Variants in NCAPH2 observed in about 807,000 individuals in gnomAD.
The protein encoded by NCAPH2 is non-SMC condensin II complex subunit H2.
In NCAPH2, 56 loss-of-function variants were observed where a neutral mutation model predicts 88.6. That is an observed-to-expected ratio of 0.63 (90% CI 0.51 to 0.79). NCAPH2 has a LOEUF of 0.79. Ranked by LOEUF, NCAPH2 falls within the 30% of genes least tolerant of loss-of-function variation. The pLI is 0.00. For synonymous variants in NCAPH2, 378 were observed against 313.6 expected (o/e 1.21, Z -2.17); for missense variants, 794 against 792.0 (o/e 1.00, Z -0.03).
At chr22:50,518,591 G>T in intron 7 of NCAPH2, 58 bp from the exon 8 acceptor site, 1 of 1,509,396 alleles carries the variant, frequency 6.6e-7, no homozygotes. Context: ...TGAACACCGG[G>T]CAGGGACCAT....
At chr22:50,522,775 C>T (rs2069149698) in intron 17 of NCAPH2, 46 bp from the exon 18 acceptor site, 2 of 1,612,386 alleles carry the variant, frequency 1.2e-6, no homozygotes, top group Non-Finnish European at 1.7e-6. Context: ...GAGCGGTGCC[C>T]AGGCCCCTGC....
intron 9 of NCAPH2, among the ~76,000 whole-genome samples, chr22:50,520,196 T>G (rs2069047811): frequency 6.6e-6 from 1 of 151,558 alleles, no homozygotes; most frequent in Non-Finnish European, 1.5e-5. Context: ...AAGTTTTTCT[T>G]AGGGTTTTTG....
At position 50,519,169 on chromosome 22, in the gene NCAPH2, ACT is replaced by A. The variant is rs1569520761; in HGVS notation, c.731-16_731-15del. The A allele has an allele frequency of 6.3e-7, 1 of 1,586,548 alleles. No individual in the cohort carries two copies. Among genetic ancestry groups the A allele is most frequent in the Non-Finnish European group, 8.6e-7 (1 of 1,168,174 alleles). Reference sequence around the variant, plus strand: ...GTCTCGGCACTCCTTGGAGCTGATCACTCTCTTGCTCCCTGCCTAGGCCCCTC... The same window carrying A: ...GTCTCGGCACTCCTTGGAGCTGATCACTCTTGCTCCCTGCCTAGGCCCCTC... On this transcript the variant is annotated intron_variant, in intron 8 of 19. Coordinates refer to ENST00000420993, the MANE Select transcript of NCAPH2 (RefSeq NM_152299.4).
intron 1 of NCAPH2, among the ~76,000 whole-genome samples, chr22:50,510,988 A>G (rs145360172): frequency 0.016 from 2,328 of 145,082 alleles, 50 homozygotes; most frequent in Admixed American, 0.067. Flanking sequence ...CTGGGACTAC[A>G]GGCACCTGCC....
chr22:50,523,281 T>C lies in NCAPH2; in HGVS notation c.1724T>C (p.Met575Thr). 3 of 1,608,214 alleles carry C rather than the reference T, an allele frequency of 1.9e-6. No individual in the cohort carries two copies. Among genetic ancestry groups the C allele is most frequent in the Non-Finnish European group, 2.5e-6 (3 of 1,177,422 alleles). Residue 575 changes from methionine to threonine, a missense_variant, in exon 20 of 20, where the codon ATG becomes ACG. This residue lies in a region of NCAPH2 where 735 missense variants were observed against 696.3 expected (regional missense o/e 1.06). Transcript: ENST00000420993. ...ATAACCCAGCAGCCCGGGCTGGAGA[T>C]GGCCGTGGACACCATGTCCCTGAGA... ...VEITQQPGLE[M>T]AVDTMSLRLL...
chr22:50,520,851 C>T, intron 9 of NCAPH2, 114 bp from the exon 10 acceptor site: 1 of 1,223,856 alleles, frequency 8.2e-7, no homozygotes, highest in East Asian at 2.6e-5. Context: ...GCATGAGCCA[C>T]CACGCCCGAC....
chr22:50,516,846 G>A (rs892010746), intron 2 of NCAPH2, among the ~76,000 whole-genome samples: 10 of 152,126 alleles, frequency 6.6e-5, no homozygotes, highest in African/African-American at 1.9e-4. Flanking sequence ...CCCCTTCCCC[G>A]TCCCCTACTT....
In NCAPH2 at chr22:50,519,384, G is replaced by A. The variant is rs772225891; in HGVS notation, c.861+64G>A. 22 of 1,593,692 alleles carry A rather than the reference G, an allele frequency of 1.4e-5. No homozygotes were observed. The Admixed American group carries it at 1.4e-4, about 10-fold the overall frequency. On this transcript the variant is annotated intron_variant, in intron 9 of 19. Coordinates refer to ENST00000420993, the MANE Select transcript of NCAPH2 (RefSeq NM_152299.4). ...AACTGGCAACCCTGGCTCTGGGGCCGAGTCACCTTGCACAAGGAGGACAGT... is the reference window on the plus strand; with the variant it reads ...AACTGGCAACCCTGGCTCTGGGGCCAAGTCACCTTGCACAAGGAGGACAGT...
At chr22:50,509,156 G>T (rs1291886200) in intron 1 of NCAPH2, among the ~76,000 whole-genome samples, 7 of 152,020 alleles carry the variant, frequency 4.6e-5, no homozygotes, top group Non-Finnish European at 7.4e-5. Context: ...CAGTCTCTAA[G>T]TGTTGAGTTC....
chr22:50,522,741 G>T, intron 17 of NCAPH2, 21 bp downstream of exon 17: 1 of 1,611,702 alleles, frequency 6.2e-7, no homozygotes, highest in Non-Finnish European at 8.5e-7. Flanking sequence ...GTTAGAGGGA[G>T]ACGGGGAGGG....
intron 9 of NCAPH2, among the ~76,000 whole-genome samples, chr22:50,520,173 T>A (rs954450317): frequency 6.6e-6 from 1 of 151,376 alleles, no homozygotes; most frequent in South Asian, 2.1e-4. Context: ...CCCGGCCCAC[T>A]GTTTGTGTTT....
At chr22:50,516,815 G>T (rs1406387955) in intron 2 of NCAPH2, among the ~76,000 whole-genome samples, 1 of 152,172 alleles carries the variant, frequency 6.6e-6, no homozygotes, top group Non-Finnish European at 1.5e-5. Context: ...CACAGCCCAG[G>T]GTGCCACCTG....
chr22:50,517,359 A>G, intron 2 of NCAPH2, 68 bp from the exon 3 acceptor site: 17 of 1,545,218 alleles, frequency 1.1e-5, no homozygotes, highest in Non-Finnish European at 1.4e-5. Context: ...GCACCGATGG[A>G]TAGCTGGGAA....
In NCAPH2 at chr22:50,524,279, C is replaced by G; in HGVS notation, c.*904C>G. On this transcript the variant is annotated 3_prime_UTR_variant, in exon 20 of 20. Coordinates refer to ENST00000420993, the MANE Select transcript of NCAPH2 (RefSeq NM_152299.4). Reference sequence around the variant, plus strand: ...TGGGGCTGGCCCTGCCCACCTGTCTCTGCAGGGCCCTGCCTTGACAAAAGC... The same window carrying G: ...TGGGGCTGGCCCTGCCCACCTGTCTGTGCAGGGCCCTGCCTTGACAAAAGC... 1 of 1,603,674 alleles carries G rather than the reference C, an allele frequency of 6.2e-7. No individual in the cohort carries two copies. Among genetic ancestry groups the G allele is most frequent in the Non-Finnish European group, 8.5e-7 (1 of 1,179,812 alleles).
intron 1 of NCAPH2, 80 bp downstream of exon 1, chr22:50,508,525 GCGCCC>G (rs1344424208): frequency 1.1e-6 from 1 of 899,680 alleles, no homozygotes; most frequent in Non-Finnish European, 1.5e-6. Context: ...GGGGCTGTGG[GCGCCC>G]CACCGTCTCC....
intron 1 of NCAPH2, among the ~76,000 whole-genome samples, chr22:50,508,883 T>G (rs2068704685): frequency 6.6e-6 from 1 of 152,230 alleles, no homozygotes; most frequent in African/African-American, 2.4e-5. Flanking sequence ...TAGCGATTAG[T>G]GTTTCTTCCA....
At position 50,518,204 on chromosome 22, in the gene NCAPH2, C is replaced by T; in HGVS notation, c.572C>T (p.Ala191Val). The T allele has an allele frequency of 6.2e-7, 1 of 1,614,020 alleles. No homozygotes were observed. The highest frequency in any genetic ancestry group is 8.5e-7 in the Non-Finnish European group (1 of 1,180,008). Residue 191 changes from alanine to valine, a missense_variant, in exon 7 of 20, where the codon GCC becomes GTC. Around this residue, in one of 2 missense-constraint regions of NCAPH2, gnomAD observed 735 missense variants for 696.3 expected, o/e 1.06. Transcript: ENST00000420993. ...MNTCVPHPRG[A>V]FMLEPEGMSP... ...ACGTGCGTTCCCCACCCCAGAGGGG[C>T]CTTCATGTTGGAGCCAGAGGGCATG...
chr22:50,512,996 C>T (rs546769904), intron 1 of NCAPH2, among the ~76,000 whole-genome samples: 79 of 152,358 alleles, frequency 5.2e-4, no homozygotes, highest in African/African-American at 1.8e-3. Flanking sequence ...TATGGTAGGA[C>T]TTCCTCTGTC....
chr22:50,512,816 G>A (rs1222006246), intron 1 of NCAPH2, among the ~76,000 whole-genome samples: 1 of 152,174 alleles, frequency 6.6e-6, no homozygotes, highest in Admixed American at 6.5e-5. Context: ...AGAGTGCTGG[G>A]ATTATAGGTG....
Sources: gnomAD v4.1 joint callset for allele counts (sites outside exome capture counted in the v4.1 genomes callset) on GRCh38, gnomAD v4.1.1 for gene constraint, gnomAD v4.1.1 regional missense constraint, MANE v1.5 for transcripts, NCBI Gene and HGNC (gene_info 2026-07-23, HGNC 2026-07-21) for gene names.